Variants in ARHGEF17 observed in about 807,000 individuals in gnomAD.
The protein encoded by ARHGEF17 is Rho guanine nucleotide exchange factor 17.
Under a neutral mutation model 174.0 loss-of-function variants are expected in ARHGEF17, and 80 were observed. The ratio of observed to expected loss-of-function variants is 0.46; its 90% confidence interval spans 0.38 to 0.55. The LOEUF (loss-of-function observed/expected upper bound fraction) is 0.55. Ranked by LOEUF, ARHGEF17 falls within the 20% of genes least tolerant of loss-of-function variation. The probability of loss-of-function intolerance (pLI) is 0.00; values close to 1 mark genes in which losing one functional copy is unlikely to be tolerated. For missense variants in ARHGEF17, 2,886 were observed against 2,839.7 expected (o/e 1.02, Z -0.37); for synonymous variants, 1,311 against 1,189.1 (o/e 1.10, Z -2.11).
chr11:73,352,958 C>T lies in ARHGEF17; in HGVS notation c.3399C>T (p.His1133=), dbSNP rs750190048. The change falls in exon 3 of 21, where the codon CAC becomes CAT. Residue 1133 remains histidine (H), a synonymous_variant. Coordinates refer to ENST00000263674, the MANE Select transcript of ARHGEF17 (RefSeq NM_014786.4). ...HHEQFLEQVR[H]CMQTWHAQQK... is the part of the protein sequence containing the mutation. ...AGCAATTCCTGGAGCAGGTTCGGCA[C>T]TGCATGCAGACCTGGCATGCCCAGC... is the stretch of plus-strand genomic sequence containing the variant. 61 of 1,614,014 alleles carry T rather than the reference C, an allele frequency of 3.8e-5. No individual in the cohort carries two copies. Among genetic ancestry groups the T allele is most frequent in the African/African-American group, 2.0e-4 (15 of 74,938 alleles).
intron 1 of ARHGEF17, among the ~76,000 whole-genome samples, chr11:73,312,288 C>T (rs1864851766): frequency 6.6e-6 from 1 of 152,164 alleles, no homozygotes; most frequent in Admixed American, 6.5e-5. Flanking sequence ...TGGGTTTGCC[C>T]TTCTTCGTGT....
chr11:73,342,037 C>T (rs530855214), intron 1 of ARHGEF17, among the ~76,000 whole-genome samples: 139 of 152,228 alleles, frequency 9.1e-4, no homozygotes, highest in Non-Finnish European at 1.6e-4. Context: ...TCACTCTGGG[C>T]TTTCAAGCAG....
Position 73,308,898 on chromosome 11 carries a change from G to T in ARHGEF17, c.260G>T (p.Arg87Leu). The part of the protein sequence containing the change: ...SLSPSVRQLS[R>L]RFDAPRLDDG... ...TCGCCGTCGGTTCGCCAGCTCTCCC[G>T]GCGCTTCGACGCGCCGCGTCTGGAC... The change falls in exon 1 of 21, where the codon CGG (arginine) becomes CTG (leucine). Residue 87 changes from arginine to leucine, a missense_variant. By Grantham distance (102) the Arg-to-Leu change is moderately radical (BLOSUM62 -2). Coordinates refer to ENST00000263674, the MANE Select transcript of ARHGEF17 (RefSeq NM_014786.4). 7.3e-7 allele frequency: 1 copy of T among 1,360,626 alleles called. No homozygotes were observed. The highest frequency in any genetic ancestry group is 9.4e-7 in the Non-Finnish European group (1 of 1,062,536). The allele number at this position is 1,360,626 out of a possible 1,614,324, so 84.3% of individuals were successfully genotyped here.
In ARHGEF17 at chr11:73,309,777, A is replaced by G. The variant is rs1349940276; in HGVS notation, c.1139A>G (p.Tyr380Cys). Residue 380 changes from tyrosine (Y) to cysteine (C), a missense_variant, in exon 1 of 21, where the codon TAC becomes TGC. Physicochemically the swap from Tyr to Cys is radical, Grantham distance 194. Transcript: ENST00000263674. ...GTGGCCAAGGTGAGCTTTCCCTCGT[A>G]CCTGGCCAGCCCCGCAGGCTCCCGC... ...FRVAKVSFPS[Y>C]LASPAGSRGS... 4 of 1,612,888 alleles carry G rather than the reference A, an allele frequency of 2.5e-6. No homozygotes were observed. In the South Asian group the frequency reaches 4.4e-5, roughly 18 times the overall value.
intron 9 of ARHGEF17, among the ~76,000 whole-genome samples, chr11:73,358,815 G>A (rs1478353282): frequency 2.0e-5 from 3 of 152,150 alleles, no homozygotes; most frequent in African/African-American, 7.2e-5. Context: ...ACCTGTGAGT[G>A]TTGAGTGGAC....
chr11:73,321,617 C>T (rs944065686), intron 1 of ARHGEF17, among the ~76,000 whole-genome samples: 5 of 152,200 alleles, frequency 3.3e-5, no homozygotes, highest in Admixed American at 1.3e-4. Context: ...CAGCCCTGGG[C>T]GCTGGCTCCA....
intron 1 of ARHGEF17, among the ~76,000 whole-genome samples, chr11:73,321,186 T>C (rs1451162534): frequency 1.3e-5 from 2 of 152,186 alleles, no homozygotes; most frequent in African/African-American, 4.8e-5. Context: ...GCTCCGAGCC[T>C]GGTTCTCTGG....
Position 73,361,088 on chromosome 11 carries a change from C to T in ARHGEF17, c.4421C>T (p.Ala1474Val), listed in dbSNP as rs1200511446. 1 of 1,613,774 alleles carries T rather than the reference C, an allele frequency of 6.2e-7. No individual in the cohort carries two copies. Among genetic ancestry groups the T allele is most frequent in the East Asian group, 2.2e-5 (1 of 44,880 alleles). ...GTCTGTCTGTCCATCTCCACTACAGCATCCAGCAAAAGCTGTCTAGACCCT... is the reference window on the plus strand; with the variant it reads ...GTCTGTCTGTCCATCTCCACTACAGTATCCAGCAAAAGCTGTCTAGACCCT... ...QAFDEAKRKL[A>V]SSKSCLDPEF... Residue 1474 changes from alanine (A) to valine (V), a missense_variant and splice_region_variant, in exon 12 of 21, where the codon GCA (alanine) becomes GTA (valine). Transcript: ENST00000263674.
At chr11:73,343,006 C>CGCCACT in intron 1 of ARHGEF17, 1 of 243,140 alleles carries the variant, frequency 4.1e-6, no homozygotes, top group Non-Finnish European at 7.9e-6. Context: ...CCACCGCGAC[C>CGCCACT]GCCACTGCGG....
chr11:73,313,792 T>G (rs1398432275), intron 1 of ARHGEF17, among the ~76,000 whole-genome samples: 3 of 152,186 alleles, frequency 2.0e-5, no homozygotes, highest in Non-Finnish European at 4.4e-5. Context: ...ATCCATCATA[T>G]CCCTGCTCTG....
intron 1 of ARHGEF17, among the ~76,000 whole-genome samples, chr11:73,344,969 G>A (rs568242239): frequency 1.6e-4 from 25 of 152,322 alleles, no homozygotes; most frequent in Non-Finnish European, 2.8e-4. Flanking sequence ...CACCTGTGCA[G>A]TGGAAATGGC....
Position 73,308,552 on chromosome 11 carries a change from G to T in ARHGEF17, c.-87G>T. ...ACTCCCGTGCGCTGCTTTCGGCGTG[G>T]GCCGCTGCGCTCCTAGGGAGTGGGG... On this transcript the variant is annotated 5_prime_UTR_variant, in exon 1 of 21. Coordinates refer to ENST00000263674, the MANE Select transcript of ARHGEF17 (RefSeq NM_014786.4). 3.3e-6 allele frequency: 4 copies of T among 1,195,544 alleles called. No homozygotes were observed. The highest frequency in any genetic ancestry group is 4.4e-6 in the Non-Finnish European group (4 of 917,024). The allele number at this position is 1,195,544 out of a possible 1,614,324, so 74.1% of individuals were successfully genotyped here.
chr11:73,329,373 ATTTT>A (rs1192905396), intron 1 of ARHGEF17, among the ~76,000 whole-genome samples: 2 of 13,168 alleles, frequency 1.5e-4, no homozygotes, highest in African/African-American at 5.1e-4. Flanking sequence ...ATATATATAT[ATTTT>A]TTTTTTTTTT....
At chr11:73,353,563 C>CTGA (rs1591754519) in intron 3 of ARHGEF17, among the ~76,000 whole-genome samples, 1 of 152,156 alleles carries the variant, frequency 6.6e-6, no homozygotes, top group Non-Finnish European at 1.5e-5. Flanking sequence ...GTTGGTTACC[C>CTGA]TGATTCTAAA....
chr11:73,314,835 C>T (rs1217013385), intron 1 of ARHGEF17, among the ~76,000 whole-genome samples: 2 of 152,118 alleles, frequency 1.3e-5, no homozygotes, highest in Non-Finnish European at 2.9e-5. Context: ...CCCGCCCCAG[C>T]CTCAAAGTGC....
At chr11:73,358,716 G>A (rs1865687953) in intron 9 of ARHGEF17, among the ~76,000 whole-genome samples, 1 of 150,980 alleles carries the variant, frequency 6.6e-6, no homozygotes, top group Non-Finnish European at 1.5e-5. Context: ...TGCCCACCTC[G>A]GCCTCCCAAA....
chr11:73,324,712 TGGG>T (rs1865073412), intron 1 of ARHGEF17, among the ~76,000 whole-genome samples: 4 of 152,190 alleles, frequency 2.6e-5, no homozygotes, highest in Non-Finnish European at 5.9e-5. Context: ...CTGCCTGAGT[TGGG>T]GGCAGTGCCA....
intron 1 of ARHGEF17, among the ~76,000 whole-genome samples, chr11:73,346,139 G>A (rs1322581099): frequency 1.3e-5 from 2 of 152,158 alleles, no homozygotes; most frequent in Admixed American, 6.5e-5. Flanking sequence ...CCATAGGTTG[G>A]AGGCATCGGT....
intron 1 of ARHGEF17, among the ~76,000 whole-genome samples, chr11:73,342,183 A>G (rs1190097170): frequency 1.3e-5 from 2 of 151,424 alleles, no homozygotes; most frequent in East Asian, 3.9e-4. Context: ...GGGTGGGAGC[A>G]CAGTCTAGGA....
Sources: gnomAD v4.1 joint callset for allele counts (sites outside exome capture counted in the v4.1 genomes callset) on GRCh38, gnomAD v4.1.1 for gene constraint, MANE v1.5 for transcripts, NCBI Gene and HGNC (gene_info 2026-07-23, HGNC 2026-07-21) for gene names.